DCHS1: variants seen among roughly 807,000 people sequenced by gnomAD.
DCHS1 encodes the protein protocadherin-16.
DCHS1 carries 78 observed loss-of-function variants against 213.9 expected under a neutral mutation model. The observed-to-expected ratio is 0.36, with a 90% CI of 0.30 to 0.44. The LOEUF is 0.44. Among genes scored for constraint, DCHS1 ranks in the 20% least tolerant of loss-of-function variants. The probability of loss-of-function intolerance (pLI) is 1.00; values close to 1 mark genes in which losing one functional copy is unlikely to be tolerated. For synonymous variants in DCHS1, 1,828 were observed against 1,873.7 expected (o/e 0.98, Z 0.63); for missense variants, 3,946 against 4,395.9 (o/e 0.90, Z 2.89).
intron 2 of DCHS1, 33 bp from the exon 3 acceptor site, chr11:6,634,339 CTT>C (rs779272667): frequency 1.8e-5 from 27 of 1,531,170 alleles, no homozygotes; most frequent in African/African-American, 5.5e-5. Context: ...GGTGTCCCCT[CTT>C]CTTTGCCAGA....
rs1855955868 is a variant in DCHS1, at chr11:6,634,171, C to T, written c.1933G>A (p.Asp645Asn). Residue 645 changes from aspartate (D) to asparagine (N), a missense_variant, in exon 3 of 21, where the codon GAC becomes AAC. This residue lies in a region of DCHS1 where 3,384 missense variants were observed against 3,780.1 expected (regional missense o/e 0.90). Coordinates refer to ENST00000299441, the MANE Select transcript of DCHS1 (RefSeq NM_003737.4). The part of the protein sequence containing the change: ...SGDVCTTRTL[D>N]RDQGPSSFDF... Reference sequence around the variant, plus strand: ...AAGCTTGAGGGCCCCTGGTCACGGTCCAGGGTCCGGGTTGTGCACACATCA... The same window carrying T: ...AAGCTTGAGGGCCCCTGGTCACGGTTCAGGGTCCGGGTTGTGCACACATCA... The T allele has an allele frequency of 6.2e-7, 1 of 1,612,884 alleles. No individual in the cohort carries two copies. Among genetic ancestry groups the T allele is most frequent in the African/African-American group, 1.3e-5 (1 of 74,914 alleles).
chr11:6,640,825 C>G lies in DCHS1; in HGVS notation c.789G>C (p.Val263=), dbSNP rs1277314564. Residue 263 remains valine, a synonymous_variant, in exon 2 of 21, where the codon GTG becomes GTC. Transcript: ENST00000299441. This position sits in a 1 kb window ranked among gnomAD's most constrained non-coding sequence, Gnocchi z 6.5. The part of the protein sequence containing the change: ...PAFNQSRYHA[V]VSESLAPGSP... ...TGCCAGGGGCCAGGCTCTCAGACAC[C>G]ACAGCATGGTAGCGGCTCTGATTGA... 1.2e-6 allele frequency: 2 copies of G among 1,613,938 alleles called. No homozygotes were observed. The highest frequency in any genetic ancestry group is 1.3e-5 in the African/African-American group (1 of 74,938).
Position 6,626,066 on chromosome 11 carries a change from C to T in DCHS1, c.6585G>A (p.Ala2195=), listed in dbSNP as rs151301016. 3.7e-5 allele frequency: 60 copies of T among 1,609,996 alleles called. No individual in the cohort carries two copies. Among genetic ancestry groups the T allele is most frequent in the African/African-American group, 2.4e-4 (18 of 74,954 alleles). The change falls in exon 17 of 21, where the codon GCG becomes GCA. Residue 2195 remains alanine, a synonymous_variant. Transcript: ENST00000299441. This position sits in a 1 kb window ranked among gnomAD's most constrained non-coding sequence, Gnocchi z 5.2. ...CTCCAGAGCCTTGATCCAGGTCATC[C>T]GCCTCCACCTGGTGAGGGTAGGAGG... is the stretch of plus-strand genomic sequence containing the variant. ...PLEGPLLQVE[A]DDLDQGSGGQ...
At position 6,634,024 on chromosome 11, in the gene DCHS1, G is replaced by A. The variant is rs1348186857; in HGVS notation, c.1987-4C>T. ...ATACCATGGACTTGAGGCCTCCCTG[G>A]TGGGACATGCAGCCATAGGTCAGGT... On this transcript the variant is annotated splice_polypyrimidine_tract_variant and splice_region_variant and intron_variant, in intron 3 of 20. Coordinates refer to ENST00000299441, the MANE Select transcript of DCHS1 (RefSeq NM_003737.4). 1.2e-6 allele frequency: 2 copies of A among 1,613,128 alleles called. No homozygotes were observed. The highest frequency in any genetic ancestry group is 1.7e-5 in the Admixed American group (1 of 59,964).
At chr11:6,631,467 A>G (rs1855906862) in intron 7 of DCHS1, 60 bp from the exon 8 acceptor site, 2 of 1,609,382 alleles carry the variant, frequency 1.2e-6, no homozygotes, top group Non-Finnish European at 8.5e-7. Context: ...ACTCAGGATA[A>G]AGCTTCCCTC....
At position 6,641,233 on chromosome 11, in the gene DCHS1, T is replaced by C; in HGVS notation, c.381A>G (p.Val127=). ...TGTCAGCCACTCGCACTGTAACTTC[T>C]ACGGTGGCACCATCAGGAGTGACTG... ...FTAVTPDGAT[V]EVTVRVADIN... is the part of the protein sequence containing the mutation. The change falls in exon 2 of 21, where the codon GTA becomes GTG. Residue 127 remains valine (V), a synonymous_variant. Coordinates refer to ENST00000299441, the MANE Select transcript of DCHS1 (RefSeq NM_003737.4). This position sits in a 1 kb window ranked among gnomAD's most constrained non-coding sequence, Gnocchi z 7.1. 6.2e-7 allele frequency: 1 copy of C among 1,613,732 alleles called. No individual in the cohort carries two copies. The highest frequency in any genetic ancestry group is 8.5e-7 in the Non-Finnish European group (1 of 1,179,878).
At chr11:6,649,698 C>A (rs1032283900) in intron 1 of DCHS1, among the ~76,000 whole-genome samples, 1 of 152,004 alleles carries the variant, frequency 6.6e-6, no homozygotes, top group Admixed American at 6.5e-5. Context: ...TCGGCAGGGA[C>A]GGGCAGGGCA....
rs1373035854 is a variant in DCHS1 at position 6,633,419 on chromosome 11, G to A, written c.2448C>T (p.Asn816=). 6 of 1,555,246 alleles carry A rather than the reference G, an allele frequency of 3.9e-6. No homozygotes were observed. The highest frequency in any genetic ancestry group is 5.2e-6 in the Non-Finnish European group (6 of 1,148,878). Residue 816 remains asparagine, a synonymous_variant, in exon 5 of 21, where the codon AAC becomes AAT. Transcript: ENST00000299441. ...GTSVGIVQAH[N]PPGRLAPVTL... is the part of the protein sequence containing the mutation. ...TATAAAGCTAAATGATACCTGGTGG[G>A]TTGTGTGCCTGGACTATGCCCACAC...
At chr11:6,629,948 A>G in intron 10 of DCHS1, 37 bp from the exon 11 acceptor site, 1 of 1,604,660 alleles carries the variant, frequency 6.2e-7, no homozygotes, top group South Asian at 1.1e-5. Flanking sequence ...GGGGACCCCA[A>G]CACTCCACAT....
At position 6,621,851 on chromosome 11, in the gene DCHS1, C is replaced by G; in HGVS notation, c.9825G>C (p.Gln3275His). 1.2e-6 allele frequency: 2 copies of G among 1,610,990 alleles called. No homozygotes were observed. The highest frequency in any genetic ancestry group is 1.7e-6 in the Non-Finnish European group (2 of 1,178,748). The change falls in exon 21 of 21, where the codon CAG (glutamine) becomes CAC (histidine). Residue 3275 changes from glutamine (Q) to histidine (H), a missense_variant. By Grantham distance (24) the Gln-to-His change is conservative (BLOSUM62 0). This residue lies in a region of DCHS1 where 554 missense variants were observed against 590.2 expected (regional missense o/e 0.94). Transcript: ENST00000299441. ...SPVVSPFGVA[Q>H]GPSASALSAE... Reference sequence around the variant, plus strand: ...CGCTGAGTGCTGAGGCTGAGGGACCCTGGGCCACCCCAAATGGTGAGACAA... The same window carrying G: ...CGCTGAGTGCTGAGGCTGAGGGACCGTGGGCCACCCCAAATGGTGAGACAA...
chr11:6,626,893 G>C lies in DCHS1; in HGVS notation c.6146C>G (p.Ser2049Cys). The C allele has an allele frequency of 6.2e-7, 1 of 1,613,548 alleles. No homozygotes were observed. Among genetic ancestry groups the C allele is most frequent in the Non-Finnish European group, 8.5e-7 (1 of 1,179,866 alleles). The change falls in exon 14 of 21, where the codon TCT becomes TGT. Residue 2049 changes from serine (S) to cysteine (C), a missense_variant. Coordinates refer to ENST00000299441, the MANE Select transcript of DCHS1 (RefSeq NM_003737.4). The surrounding 1 kb of genome is among the most constrained non-coding windows in gnomAD (Gnocchi z 5.2). Reference protein sequence around the residue: ...VATDLGRPARSATGVIIVGLQ... With the variant: ...VATDLGRPARCATGVIIVGLQ... The stretch of plus-strand genomic sequence containing the variant: ...TCCAACAATGATCACACCAGTGGCA[G>C]AGCGAGCTGGACGGCCAAGATCAGT...
rs1855843632 is a variant in DCHS1, at chr11:6,628,291, C to T, written c.5371+330G>A. Among the ~76,000 whole-genome samples the T allele has an allele frequency of 6.6e-6, 1 of 152,150 alleles. No homozygotes were observed. Among genetic ancestry groups the T allele is most frequent in the Non-Finnish European group, 1.5e-5 (1 of 68,024 alleles). ...GTTTTATTATCTAATACAGTAAATA[C>T]TGATATAATCCACATAAAAACTCCT... is the stretch of plus-strand genomic sequence containing the variant. On this transcript the variant is annotated intron_variant, in intron 13 of 20. Transcript: ENST00000299441. The surrounding 1 kb of genome is among the most constrained non-coding windows in gnomAD (Gnocchi z 4.3).
At position 6,621,963 on chromosome 11, in the gene DCHS1, G is replaced by A. The variant is rs774601128; in HGVS notation, c.9713C>T (p.Pro3238Leu). 1.5e-5 allele frequency: 24 copies of A among 1,613,368 alleles called. No individual in the cohort carries two copies. Among genetic ancestry groups the A allele is most frequent in the Non-Finnish European group, 1.8e-5 (21 of 1,179,776 alleles). Residue 3238 changes from proline to leucine, a missense_variant, in exon 21 of 21, where the codon CCC (proline) becomes CTC (leucine). Pro to Leu is a moderately conservative substitution (Grantham distance 98, BLOSUM62 -3). Around this residue, in one of 3 missense-constraint regions of DCHS1, gnomAD observed 554 missense variants for 590.2 expected, o/e 0.94. Coordinates refer to ENST00000299441, the MANE Select transcript of DCHS1 (RefSeq NM_003737.4). ...AIFPPASHRSPISHEGSLSSA... is the reference protein window; with the variant it reads ...AIFPPASHRSLISHEGSLSSA... ...GGACAGGGAGCCTTCATGGCTGATG[G>A]GGGAGCGGTGAGAAGCTGGTGGGAA... is the stretch of plus-strand genomic sequence containing the variant.
intron 4 of DCHS1, 64 bp downstream of exon 4, chr11:6,633,725 A>G: frequency 6.3e-7 from 1 of 1,599,830 alleles, no homozygotes; most frequent in Non-Finnish European, 8.5e-7. Flanking sequence ...GGTGGGTAGG[A>G]CATCATTTAG....
At position 6,630,761 on chromosome 11, in the gene DCHS1, G is replaced by C; in HGVS notation, c.4033C>G (p.Leu1345Val). ...VVLTVTAAEG[L>V]RPGSLLGSVA... is the part of the protein sequence containing the mutation. Reference sequence around the variant, plus strand: ...GAGCCCAACAGAGAGCCGGGCCGCAGTCCCTCAGCTGCTGTCACCGTCAGC... The same window carrying C: ...GAGCCCAACAGAGAGCCGGGCCGCACTCCCTCAGCTGCTGTCACCGTCAGC... Residue 1345 changes from leucine (L) to valine (V), a missense_variant, in exon 10 of 21, where the codon CTG becomes GTG. By Grantham distance (32) the Leu-to-Val change is conservative. Coordinates refer to ENST00000299441, the MANE Select transcript of DCHS1 (RefSeq NM_003737.4). 1.9e-6 allele frequency: 3 copies of C among 1,546,778 alleles called. No homozygotes were observed. Among genetic ancestry groups the C allele is most frequent in the Non-Finnish European group, 2.6e-6 (3 of 1,147,406 alleles).
In DCHS1 at chr11:6,629,665, G is replaced by C. The variant is rs1308875239; in HGVS notation, c.5035+7C>G. On this transcript the variant is annotated splice_region_variant and intron_variant, in intron 11 of 20. Coordinates refer to ENST00000299441, the MANE Select transcript of DCHS1 (RefSeq NM_003737.4). ...TCCCACTCATAATTCACCCCCCCAGGTCTTACCCACGTCGGGGTCGGTTGC... is the reference window on the plus strand; with the variant it reads ...TCCCACTCATAATTCACCCCCCCAGCTCTTACCCACGTCGGGGTCGGTTGC... The C allele has an allele frequency of 3.7e-6, 6 of 1,613,114 alleles. No homozygotes were observed. The highest frequency in any genetic ancestry group is 5.1e-6 in the Non-Finnish European group (6 of 1,179,522).
In DCHS1 at chr11:6,639,844, G is replaced by A. The variant is rs573777025; in HGVS notation, c.1770C>T (p.Gly590=). Residue 590 remains glycine, a synonymous_variant, in exon 2 of 21, where the codon GGC becomes GGT. Coordinates refer to ENST00000299441, the MANE Select transcript of DCHS1 (RefSeq NM_003737.4). The part of the protein sequence containing the change: ...RTFYNASLPE[G]TQPGTCFLQV... ...GCAGGAAGCAAGTTCCAGGCTGGGTGCCCTCAGGCAGTGAGGCATTGTAGA... is the reference window on the plus strand; with the variant it reads ...GCAGGAAGCAAGTTCCAGGCTGGGTACCCTCAGGCAGTGAGGCATTGTAGA... The A allele has an allele frequency of 1.2e-4, 190 of 1,604,052 alleles. 1 individual carries two copies. In the South Asian group the frequency reaches 1.9e-3, roughly 16 times the overall value.
In DCHS1 at chr11:6,623,808, T is replaced by C; in HGVS notation, c.7868A>G (p.His2623Arg). 3 of 1,613,920 alleles carry C rather than the reference T, an allele frequency of 1.9e-6. No individual in the cohort carries two copies. Among genetic ancestry groups the C allele is most frequent in the Non-Finnish European group, 1.7e-6 (2 of 1,179,808 alleles). The change falls in exon 21 of 21, where the codon CAT (histidine) becomes CGT (arginine). Residue 2623 changes from histidine (H) to arginine (R), a missense_variant. Around this residue, in one of 3 missense-constraint regions of DCHS1, gnomAD observed 3,384 missense variants for 3,780.1 expected, o/e 0.90. Transcript: ENST00000299441. Reference sequence around the variant, plus strand: ...AGGGTCAGCGTCAGAGGCCTCTACATGCAGCAGCTCAGCTCCAACAGGTGT... The same window carrying C: ...AGGGTCAGCGTCAGAGGCCTCTACACGCAGCAGCTCAGCTCCAACAGGTGT... ...EDTPVGAELLHVEASDADPGP... is the reference protein window; with the variant it reads ...EDTPVGAELLRVEASDADPGP...
chr11:6,639,907 T>A lies in DCHS1; in HGVS notation c.1707A>T (p.Gln569His). The A allele has an allele frequency of 6.2e-7, 1 of 1,613,968 alleles. No homozygotes were observed. The highest frequency in any genetic ancestry group is 8.5e-7 in the Non-Finnish European group (1 of 1,179,854). Residue 569 changes from glutamine (Q) to histidine (H), a missense_variant, in exon 2 of 21, where the codon CAA becomes CAT. Gln to His is a conservative substitution (Grantham distance 24). Transcript: ENST00000299441. ...ASSATVSVAL[Q>H]DVNDNEPQFQ... The stretch of plus-strand genomic sequence containing the variant: ...ATTGGGGCTCATTATCATTCACATC[T>A]TGCAGGGCCACGCTAACTGTGGCAG...
Sources: allele counts gnomAD v4.1 joint callset (sites outside exome capture counted in the v4.1 genomes callset), GRCh38; gene constraint gnomAD v4.1.1; regional missense constraint gnomAD v4.1.1; non-coding constraint Gnocchi (gnomAD v3.1); transcripts MANE v1.5; gene names NCBI Gene and HGNC (gene_info 2026-07-23, HGNC 2026-07-21).